Variants in ZBTB16 observed in about 807,000 individuals in gnomAD.
ZBTB16 encodes the protein zinc finger and BTB domain-containing protein 16.
ZBTB16 carries 8 observed loss-of-function variants against 56.8 expected under a neutral mutation model. That is an observed-to-expected ratio of 0.14 (90% confidence interval 0.08 to 0.25). ZBTB16 has a LOEUF of 0.25. Among genes scored for constraint, ZBTB16 ranks in the 10% least tolerant of loss-of-function variants. The pLI, the probability that ZBTB16 is intolerant of heterozygous loss-of-function variation, is 1.00. For missense variants in ZBTB16, 625 were observed against 903.0 expected, an observed-to-expected ratio of 0.69 and a Z score of 3.95; for synonymous variants, 363 against 368.5, an observed-to-expected ratio of 0.98 and a Z score of 0.17.
Position 114,063,325 on chromosome 11 carries a change from A to C in ZBTB16, c.25A>C (p.Ile9Leu), listed in dbSNP as rs1938957148. Residue 9 changes from isoleucine to leucine, a missense_variant, in exon 2 of 7, where the codon ATC (isoleucine) becomes CTC (leucine). Physicochemically the swap from Ile to Leu is conservative, Grantham distance 5. This residue lies in a region of ZBTB16 where 54 missense variants were observed against 159.4 expected (regional missense o/e 0.34). Transcript: ENST00000335953. The surrounding 1 kb of genome is among the most constrained non-coding windows in gnomAD (Gnocchi z 6.5). ...CATGGATCTGACAAAAATGGGCATG[A>C]TCCAGCTGCAGAACCCTAGCCACCC... The part of the protein sequence containing the change: MDLTKMGM[I>L]QLQNPSHPTG... 6.2e-7 allele frequency: 1 copy of C among 1,613,902 alleles called. No individual in the cohort carries two copies. Among genetic ancestry groups the C allele is most frequent in the African/African-American group, 1.3e-5 (1 of 74,926 alleles).
At chr11:114,217,926 G>A (rs1029088197) in intron 4 of ZBTB16, among the ~76,000 whole-genome samples, 4 of 152,210 alleles carry the variant, frequency 2.6e-5, no homozygotes, top group Non-Finnish European at 5.9e-5. Flanking sequence ...CTGGTGTGGG[G>A]ATCCCTGCAG....
chr11:114,238,328 T>G lies in ZBTB16; in HGVS notation c.1454-3839T>G, dbSNP rs1300534827. 2.6e-5 allele frequency among the ~76,000 whole-genome samples: 4 copies of G among 152,312 alleles called. No individual in the cohort carries two copies. The East Asian group carries it at 7.7e-4, about 29-fold the overall frequency. On this transcript the variant is annotated intron_variant, in intron 4 of 6. Transcript: ENST00000335953. The stretch of plus-strand genomic sequence containing the variant: ...ACTCGTCTTAGTCAAGTCAGGCTGC[T>G]ATAACAAACTGCCACGGACTGGGTG...
At chr11:114,185,242 C>T (rs149456535) in intron 3 of ZBTB16, among the ~76,000 whole-genome samples, 6 of 152,084 alleles carry the variant, frequency 3.9e-5, no homozygotes, top group South Asian at 2.1e-4. Context: ...AGCGCTAAGA[C>T]GTGTTGAAAG....
At chr11:114,124,555 ACC>A (rs1238084595) in intron 2 of ZBTB16, among the ~76,000 whole-genome samples, 1,990 of 122,270 alleles carry the variant, frequency 0.016, 38 homozygotes, top group African/African-American at 0.057. Flanking sequence ...AAAAAAAAAA[ACC>A]AAAAAAAAAA....
intron 2 of ZBTB16, among the ~76,000 whole-genome samples, chr11:114,107,202 A>G (rs1257945629): frequency 6.6e-6 from 1 of 152,200 alleles, no homozygotes; most frequent in African/African-American, 2.4e-5. Context: ...CACGCTGTCA[A>G]CAAGGGTCAT....
intron 5 of ZBTB16, among the ~76,000 whole-genome samples, chr11:114,246,615 T>G (rs1944822230): frequency 6.6e-6 from 1 of 152,126 alleles, no homozygotes; most frequent in Non-Finnish European, 1.5e-5. Context: ...CCTGGGGAAC[T>G]AAAGGGAAGC....
chr11:114,200,174 C>T lies in ZBTB16; in HGVS notation c.1453+13136C>T, dbSNP rs537234525. ...GAAAAAAAAAATCATACATGTGAAGCCCTGAGCCCTGGGAAGGAGGACTGA... is the reference window on the plus strand; with the variant it reads ...GAAAAAAAAAATCATACATGTGAAGTCCTGAGCCCTGGGAAGGAGGACTGA... On this transcript the variant is annotated intron_variant, in intron 4 of 6. Coordinates refer to ENST00000335953, the MANE Select transcript of ZBTB16 (RefSeq NM_006006.6). 2.0e-5 allele frequency among the ~76,000 whole-genome samples: 3 copies of T among 151,966 alleles called. No homozygotes were observed. In the South Asian group the frequency reaches 6.3e-4, roughly 32 times the overall value.
chr11:114,187,446 C>T (rs609035), intron 4 of ZBTB16: 41,324 of 257,352 alleles, frequency 0.16, 3,992 homozygotes, highest in African/African-American at 0.29. Context: ...TTGGCTGGTC[C>T]TCCCTCTGCG....
chr11:114,193,233 G>GT (rs1211849780), intron 4 of ZBTB16, among the ~76,000 whole-genome samples: 1 of 152,196 alleles, frequency 6.6e-6, no homozygotes, highest in Non-Finnish European at 1.5e-5. Flanking sequence ...CACATGTGGT[G>GT]TGCTCAATAA....
At chr11:114,148,292 T>C (rs1187848218) in intron 2 of ZBTB16, among the ~76,000 whole-genome samples, 1 of 151,826 alleles carries the variant, frequency 6.6e-6, no homozygotes, top group African/African-American at 2.4e-5. Context: ...CAGATTGGCC[T>C]TCATCCAGGC....
intron 2 of ZBTB16, among the ~76,000 whole-genome samples, chr11:114,111,348 G>T (rs1940998741): frequency 6.6e-6 from 1 of 152,056 alleles, no homozygotes; most frequent in African/African-American, 2.4e-5. Flanking sequence ...TATATAATTG[G>T]CTGTGCTCCT....
chr11:114,242,962 G>A (rs1285057019), intron 5 of ZBTB16, among the ~76,000 whole-genome samples: 1 of 152,184 alleles, frequency 6.6e-6, no homozygotes, highest in Non-Finnish European at 1.5e-5. Flanking sequence ...GACAAGGGAG[G>A]GGGTACAAGG....
chr11:114,255,779 C>A lies in ZBTB16; in HGVS notation c.*5224C>A, dbSNP rs1156520461. ...AATTTACTGCTGCAGGTTTTTTTCT[C>A]TCTCCATGTGTCACTAAGTGAAGTT... On this transcript the variant is annotated 3_prime_UTR_variant, in exon 7 of 7. Transcript: ENST00000335953. 1.3e-5 allele frequency among the ~76,000 whole-genome samples: 2 copies of A among 149,878 alleles called. No individual in the cohort carries two copies. The highest frequency in any genetic ancestry group is 3.0e-5 in the Non-Finnish European group (2 of 67,678).
Position 114,085,884 on chromosome 11 carries a change from C to T in ZBTB16, c.1268+21316C>T, listed in dbSNP as rs1276704099. Among the ~76,000 whole-genome samples, 10 of 152,102 alleles carry T rather than the reference C, an allele frequency of 6.6e-5. No homozygotes were observed. The South Asian group carries it at 1.0e-3, about 16-fold the overall frequency. On this transcript the variant is annotated intron_variant, in intron 2 of 6. Coordinates refer to ENST00000335953, the MANE Select transcript of ZBTB16 (RefSeq NM_006006.6). ...GCTAGCTTTCTGGACATTTGTAAGG[C>T]GCACTTGATAGGGGTTGGATCATTG...
At chr11:114,113,125 A>T (rs1352553792) in intron 2 of ZBTB16, among the ~76,000 whole-genome samples, 1 of 152,140 alleles carries the variant, frequency 6.6e-6, no homozygotes, top group Non-Finnish European at 1.5e-5. Flanking sequence ...TGGCTTATGG[A>T]AGATACATCT....
Position 114,234,919 on chromosome 11 carries a change from G to A in ZBTB16, c.1454-7248G>A, listed in dbSNP as rs372563260. On this transcript the variant is annotated intron_variant, in intron 4 of 6. Transcript: ENST00000335953. ...GAGAAGATGGGCGAAAGGAAAAGGC[G>A]TCAGTTTATATGATGGTTTGAGTGT... Among the ~76,000 whole-genome samples the A allele has an allele frequency of 5.9e-5, 9 of 152,162 alleles. No individual in the cohort carries two copies. In the South Asian group the frequency reaches 8.3e-4, roughly 14 times the overall value.
At chr11:114,192,228 G>A (rs1022199224) in intron 4 of ZBTB16, among the ~76,000 whole-genome samples, 4 of 152,202 alleles carry the variant, frequency 2.6e-5, no homozygotes, top group Admixed American at 2.0e-4. Flanking sequence ...GACTTGCTGT[G>A]TGACAGCTCA....
chr11:114,249,368 C>T (rs1331815235), intron 6 of ZBTB16, among the ~76,000 whole-genome samples: 1 of 130,174 alleles, frequency 7.7e-6, no homozygotes, highest in Admixed American at 8.6e-5. Context: ...TGAGGCAGGA[C>T]AATCACTTGA....
At chr11:114,071,017 A>G (rs1263194257) in intron 2 of ZBTB16, among the ~76,000 whole-genome samples, 1 of 152,194 alleles carries the variant, frequency 6.6e-6, no homozygotes, top group Non-Finnish European at 1.5e-5. Context: ...CACCATTGAC[A>G]TCGTTTTTTT....
Sources: allele counts gnomAD v4.1 joint callset (sites outside exome capture counted in the v4.1 genomes callset), GRCh38; gene constraint gnomAD v4.1.1; regional missense constraint gnomAD v4.1.1; non-coding constraint Gnocchi (gnomAD v3.1); transcripts MANE v1.5; gene names NCBI Gene and HGNC (gene_info 2026-07-23, HGNC 2026-07-21).